KIAA0319L: variants seen among roughly 807,000 people sequenced by gnomAD.
KIAA0319L encodes KIAA0319 like, also known as dyslexia-associated protein KIAA0319-like protein.
KIAA0319L carries 55 observed loss-of-function variants against 120.1 expected under a neutral mutation model. The ratio of observed to expected loss-of-function variants is 0.46; its 90% CI spans 0.37 to 0.57. The LOEUF is 0.57. KIAA0319L is among the 20% of genes least tolerant of loss of function. The pLI, the probability that KIAA0319L is intolerant of heterozygous loss-of-function variation, is 0.00. For synonymous variants in KIAA0319L, 398 were observed against 471.9 expected (o/e 0.84, Z 2.03); for missense variants, 1,049 against 1,255.3 (o/e 0.84, Z 2.48).
chr1:35,485,557 A>T (rs1200321220), intron 3 of KIAA0319L, among the ~76,000 whole-genome samples: 2 of 152,184 alleles, frequency 1.3e-5, no homozygotes, highest in Admixed American at 1.3e-4. Flanking sequence ...TATCAGCCAG[A>T]GATATGTGGA....
rs751085648 is a variant in KIAA0319L at position 35,450,521 on chromosome 1, G to T, written c.2063-12C>A. ...TGGTTTGTTTATTTCTAATCAAAAA[G>T]AAATCATTGACATAATGTGACATTC... On this transcript the variant is annotated splice_polypyrimidine_tract_variant and intron_variant, in intron 13 of 20. Transcript: ENST00000325722. The T allele has an allele frequency of 2.1e-5, 33 of 1,600,522 alleles. No individual in the cohort carries two copies. In the African/African-American group the frequency reaches 4.2e-4, roughly 20 times the overall value.
intron 3 of KIAA0319L, among the ~76,000 whole-genome samples, chr1:35,484,813 T>TTC (rs1644320475): frequency 7.3e-6 from 1 of 137,476 alleles, no homozygotes; most frequent in African/African-American, 2.6e-5. Flanking sequence ...TATATTTTTT[T>TTC]TTTTATTATA....
At chr1:35,551,462 T>G (rs554456992) in intron 2 of KIAA0319L, among the ~76,000 whole-genome samples, 2 of 152,056 alleles carry the variant, frequency 1.3e-5, no homozygotes, top group Non-Finnish European at 2.9e-5. Flanking sequence ...GGATTACATG[T>G]GCATGCCATC....
At chr1:35,541,348 C>CT (rs1646783829) in intron 2 of KIAA0319L, among the ~76,000 whole-genome samples, 3 of 140,008 alleles carry the variant, frequency 2.1e-5, no homozygotes, top group Non-Finnish European at 3.1e-5. Flanking sequence ...TTTTTTTTTT[C>CT]CTTTTTTTTT....
At chr1:35,549,077 G>A (rs1221512722) in intron 2 of KIAA0319L, among the ~76,000 whole-genome samples, 2 of 150,192 alleles carry the variant, frequency 1.3e-5, no homozygotes, top group African/African-American at 4.9e-5. Context: ...AAGAGACAGG[G>A]TCTCCCTCTG....
At chr1:35,548,889 T>G (rs558867336) in intron 2 of KIAA0319L, among the ~76,000 whole-genome samples, 6 of 152,300 alleles carry the variant, frequency 3.9e-5, no homozygotes, top group Non-Finnish European at 7.4e-5. Flanking sequence ...TCCCATTGCA[T>G]GGGAATACCC....
Position 35,454,353 on chromosome 1 carries a change from G to A in KIAA0319L, c.1780+9C>T. The A allele has an allele frequency of 6.2e-7, 1 of 1,613,766 alleles. No individual in the cohort carries two copies. Among genetic ancestry groups the A allele is most frequent in the Non-Finnish European group, 8.5e-7 (1 of 1,179,784 alleles). Reference sequence around the variant, plus strand: ...ATAGAAGAGCCTGAACCACAAGGCTGGAGCTTACCAGGTTGCACAATAACA... The same window carrying A: ...ATAGAAGAGCCTGAACCACAAGGCTAGAGCTTACCAGGTTGCACAATAACA... On this transcript the variant is annotated intron_variant, in intron 11 of 20. Coordinates refer to ENST00000325722, the MANE Select transcript of KIAA0319L (RefSeq NM_024874.5).
intron 8 of KIAA0319L, among the ~76,000 whole-genome samples, chr1:35,462,075 A>C (rs1642935648): frequency 6.6e-6 from 1 of 152,230 alleles, no homozygotes; most frequent in Non-Finnish European, 1.5e-5. Flanking sequence ...AATTAAGGGC[A>C]AAGACCCAAA....
chr1:35,474,951 C>G lies in KIAA0319L; in HGVS notation c.914-45G>C, dbSNP rs141067654. The G allele has an allele frequency of 1.5e-5, 16 of 1,078,950 alleles. No individual in the cohort carries two copies. The African/African-American group carries it at 2.1e-4, about 14-fold the overall frequency. The allele number at this position is 1,078,950 out of a possible 1,614,324, so 66.8% of individuals were successfully genotyped here. A position where few individuals can be genotyped will look rare whatever the true frequency, so the allele number is the denominator to read the frequency against. ...ACCAGAGATAAGAAATAGATCCAGA[C>G]TGTCTTATTTCTCTCTTTCTTTTGT... is the stretch of plus-strand genomic sequence containing the variant. On this transcript the variant is annotated intron_variant, in intron 4 of 20. Transcript: ENST00000325722.
chr1:35,495,173 G>C (rs1282399874), intron 3 of KIAA0319L, among the ~76,000 whole-genome samples: 1 of 152,050 alleles, frequency 6.6e-6, no homozygotes, highest in Non-Finnish European at 1.5e-5. Context: ...AGGAGTTTGA[G>C]ACCAGCCTGG....
intron 3 of KIAA0319L, among the ~76,000 whole-genome samples, chr1:35,482,401 C>G (rs1644208979): frequency 6.6e-6 from 1 of 150,838 alleles, no homozygotes; most frequent in Non-Finnish European, 1.5e-5. Context: ...TATTACAAAT[C>G]AAGCTGTTAT....
intron 2 of KIAA0319L, chr1:35,533,443 T>C (rs1385959867): frequency 6.6e-6 from 1 of 152,208 alleles, no homozygotes; most frequent in African/African-American, 2.4e-5. Flanking sequence ...GGGTTTTCGC[T>C]GCAGAAACAA....
At chr1:35,461,414 C>A (rs978294116) in intron 8 of KIAA0319L, among the ~76,000 whole-genome samples, 3 of 151,784 alleles carry the variant, frequency 2.0e-5, no homozygotes, top group Non-Finnish European at 4.4e-5. Context: ...TGCAGTGAGC[C>A]AAGATTGTGC....
At chr1:35,443,229 C>T (rs1005795638) in intron 17 of KIAA0319L, 80 of 565,892 alleles carry the variant, frequency 1.4e-4, no homozygotes, top group African/African-American at 1.4e-3. Context: ...ACTAGAAAGA[C>T]ACTTCCAGCC....
chr1:35,531,015 C>T lies in KIAA0319L; in HGVS notation c.142+23335G>A, dbSNP rs79151830. Among the ~76,000 whole-genome samples the T allele has an allele frequency of 6.4e-3, 970 of 152,288 alleles. 7 individuals carry two copies. The highest frequency in any genetic ancestry group is 0.01 in the Non-Finnish European group (708 of 68,020). Reference sequence around the variant, plus strand: ...GTGCAGCAGCCCTACTTGTGGGAGACAAGAGGGAGGCAGGGCTGCTGTCTG... The same window carrying T: ...GTGCAGCAGCCCTACTTGTGGGAGATAAGAGGGAGGCAGGGCTGCTGTCTG... On this transcript the variant is annotated intron_variant, in intron 2 of 20. Transcript: ENST00000325722.
At chr1:35,543,237 T>C (rs1046409931) in intron 2 of KIAA0319L, among the ~76,000 whole-genome samples, 2 of 152,202 alleles carry the variant, frequency 1.3e-5, no homozygotes, top group East Asian at 1.9e-4. Flanking sequence ...AAACCTTGCA[T>C]GGTTTGTGTT....
intron 8 of KIAA0319L, among the ~76,000 whole-genome samples, chr1:35,461,928 G>A (rs1382157141): frequency 6.6e-6 from 1 of 151,982 alleles, no homozygotes; most frequent in African/African-American, 2.4e-5. Context: ...AAAAACCATC[G>A]CTGGTGCCAA....
chr1:35,477,533 G>A (rs540337050), intron 4 of KIAA0319L, among the ~76,000 whole-genome samples: 12 of 152,156 alleles, frequency 7.9e-5, no homozygotes, highest in South Asian at 6.2e-4. Flanking sequence ...TGGGCGTGGT[G>A]GTGGGCGCCT....
chr1:35,493,415 AAAAAAT>A (rs1173450157), intron 3 of KIAA0319L, among the ~76,000 whole-genome samples: 8 of 152,038 alleles, frequency 5.3e-5, no homozygotes, highest in African/African-American at 1.9e-4. Context: ...AGGAGGTGCA[AAAAAAT>A]AAAAATAAAG....
Sources: gnomAD v4.1 joint callset for allele counts (sites outside exome capture counted in the v4.1 genomes callset) on GRCh38, gnomAD v4.1.1 for gene constraint, MANE v1.5 for transcripts, NCBI Gene and HGNC (gene_info 2026-07-23, HGNC 2026-07-21) for gene names.